TRAPPC9: variants seen among roughly 807,000 people sequenced by gnomAD.
TRAPPC9 encodes IKK2 binding protein.
In TRAPPC9, 83 loss-of-function variants were observed where a neutral mutation model predicts 124.0. That is an observed-to-expected ratio of 0.67 (90% CI 0.56 to 0.80). The LOEUF (loss-of-function observed/expected upper bound fraction) is 0.80, where lower values mean the gene tolerates loss of function less well. Among genes scored for constraint, TRAPPC9 ranks in the 30% least tolerant of loss-of-function variants. The probability of loss-of-function intolerance (pLI) is 0.00; values close to 1 mark genes in which losing one functional copy is unlikely to be tolerated. For missense variants in TRAPPC9, 1,302 were observed against 1,508.3 expected, an observed-to-expected ratio of 0.86 and a Z score of 2.27; for synonymous variants, 638 against 617.5, an observed-to-expected ratio of 1.03 and a Z score of -0.49.
At chr8:139,944,133 C>T (rs568757866) in intron 19 of TRAPPC9, among the ~76,000 whole-genome samples, 5 of 152,250 alleles carry the variant, frequency 3.3e-5, no homozygotes, top group Admixed American at 3.3e-4. Flanking sequence ...AAATATCCCT[C>T]AGAAATGAAA....
At chr8:139,855,618 G>A (rs1480635510) in intron 21 of TRAPPC9, among the ~76,000 whole-genome samples, 6 of 152,176 alleles carry the variant, frequency 3.9e-5, no homozygotes, top group African/African-American at 7.2e-5. Context: ...CCCTGTTTAC[G>A]CTCTTCAGGG....
chr8:140,180,630 A>AT (rs1201647947), intron 17 of TRAPPC9, among the ~76,000 whole-genome samples: 3 of 148,410 alleles, frequency 2.0e-5, no homozygotes, highest in African/African-American at 5.0e-5. Context: ...CTTTATTTGT[A>AT]TTTTTTTATG....
chr8:140,114,748 G>A (rs553046532), intron 17 of TRAPPC9, among the ~76,000 whole-genome samples: 2 of 152,288 alleles, frequency 1.3e-5, no homozygotes, highest in South Asian at 2.1e-4. Flanking sequence ...AGGGAGAACC[G>A]CAAAGCCTCC....
At chr8:139,948,351 C>G (rs1306174611) in intron 19 of TRAPPC9, among the ~76,000 whole-genome samples, 1 of 151,854 alleles carries the variant, frequency 6.6e-6, no homozygotes, top group Non-Finnish European at 1.5e-5. Context: ...GTGTTCACAC[C>G]CTCCCTTTTG....
In TRAPPC9 at chr8:140,104,316, C is replaced by T. The variant is rs2060628259; in HGVS notation, c.2557-80237G>A. Among the ~76,000 whole-genome samples, 2 of 151,960 alleles carry T rather than the reference C, an allele frequency of 1.3e-5. No individual in the cohort carries two copies. Among genetic ancestry groups the T allele is most frequent in the Non-Finnish European group, 2.9e-5 (2 of 68,016 alleles). ...CCGCTCTGCAATGGGTCTTGAAGAA[C>T]GAGGCATTTTCTAGGAAGATCAATG... On this transcript the variant is annotated intron_variant, in intron 17 of 22. Transcript: ENST00000438773. This position sits in a 1 kb window ranked among gnomAD's most constrained non-coding sequence, Gnocchi z 4.0.
At chr8:139,773,737 T>C (rs1398831251) in intron 21 of TRAPPC9, among the ~76,000 whole-genome samples, 1 of 152,238 alleles carries the variant, frequency 6.6e-6, no homozygotes, top group Non-Finnish European at 1.5e-5. Context: ...TAGTCCTCTG[T>C]GTGTGCGGAA....
chr8:140,210,171 G>A (rs1176577793), intron 17 of TRAPPC9, among the ~76,000 whole-genome samples: 6 of 152,230 alleles, frequency 3.9e-5, no homozygotes, highest in South Asian at 2.1e-4. Flanking sequence ...CAGAGGGGCC[G>A]GAACCGTGAA....
chr8:139,929,136 T>TA (rs1832975385), intron 19 of TRAPPC9, among the ~76,000 whole-genome samples: 1 of 152,218 alleles, frequency 6.6e-6, no homozygotes, highest in African/African-American at 2.4e-5. Flanking sequence ...GCCACTCTCT[T>TA]AAAAATGTAT....
intron 17 of TRAPPC9, among the ~76,000 whole-genome samples, chr8:140,147,407 C>T (rs1258082665): frequency 6.6e-6 from 1 of 152,202 alleles, no homozygotes; most frequent in Non-Finnish European, 1.5e-5. Context: ...AACTCACGAA[C>T]GTCTCAATTC....
In TRAPPC9 at chr8:139,956,048, G is replaced by A. The variant is rs1437739632; in HGVS notation, c.2810+32678C>T. 1.3e-5 allele frequency among the ~76,000 whole-genome samples: 2 copies of A among 152,222 alleles called. 1 individual carries two copies. Among genetic ancestry groups the A allele is most frequent in the Admixed American group, 1.3e-4 (2 of 15,284 alleles). On this transcript the variant is annotated intron_variant, in intron 19 of 22. Transcript: ENST00000438773. ...GTTAGCACGCGGAGACCTGACGAGA[G>A]TGTGGCTGTGCCTAGAACCAGCTCC...
chr8:140,362,835 TGG>T (rs1236373524), intron 8 of TRAPPC9, among the ~76,000 whole-genome samples: 1 of 152,236 alleles, frequency 6.6e-6, no homozygotes, highest in Non-Finnish European at 1.5e-5. Context: ...ACATAAGAAT[TGG>T]GCAAATATCA....
At chr8:140,290,387 C>T (rs1043375732) in intron 12 of TRAPPC9, among the ~76,000 whole-genome samples, 2 of 152,202 alleles carry the variant, frequency 1.3e-5, no homozygotes, top group African/African-American at 4.8e-5. Context: ...TGGGAGGGCC[C>T]GCTCTGAAAA....
intron 15 of TRAPPC9, 74 bp downstream of exon 15, chr8:140,275,584 G>A: frequency 6.6e-7 from 1 of 1,514,942 alleles, no homozygotes; most frequent in East Asian, 2.3e-5. Context: ...TCTGAAAACT[G>A]AGAATTTAAA....
At chr8:140,342,625 A>T (rs2067225938) in intron 9 of TRAPPC9, among the ~76,000 whole-genome samples, 1 of 152,206 alleles carries the variant, frequency 6.6e-6, no homozygotes, top group Admixed American at 6.5e-5. Context: ...ATTCCTTGTA[A>T]CACAGCAATG....
At chr8:139,734,964 T>A (rs1168853810) in intron 21 of TRAPPC9, among the ~76,000 whole-genome samples, 2 of 152,262 alleles carry the variant, frequency 1.3e-5, no homozygotes, top group East Asian at 3.8e-4. Context: ...CTTCTGGATG[T>A]GCAGGGCCAC....
intron 5 of TRAPPC9, among the ~76,000 whole-genome samples, chr8:140,411,934 G>A (rs577862270): frequency 9.7e-4 from 148 of 152,234 alleles, no homozygotes; most frequent in Non-Finnish European, 1.8e-3. Context: ...CAAGAAAATC[G>A]CCATTTGGCA....
At chr8:139,897,825 C>A (rs1263910465) in intron 20 of TRAPPC9, among the ~76,000 whole-genome samples, 1 of 152,264 alleles carries the variant, frequency 6.6e-6, no homozygotes, top group African/African-American at 2.4e-5. Context: ...CCACAGCGTG[C>A]CAGAGTGACG....
intron 18 of TRAPPC9, among the ~76,000 whole-genome samples, chr8:140,003,601 CAAA>C (rs58826807): frequency 1.6e-4 from 15 of 91,388 alleles, no homozygotes; most frequent in African/African-American, 3.8e-4. Flanking sequence ...GACCCTGTCA[CAAA>C]AAAAAAAAAA....
chr8:139,977,513 G>A (rs1385772044), intron 19 of TRAPPC9, among the ~76,000 whole-genome samples: 1 of 151,322 alleles, frequency 6.6e-6, no homozygotes, highest in Non-Finnish European at 1.5e-5. Context: ...AGCTACTCTG[G>A]AGGCTGAGGC....
Sources: allele counts gnomAD v4.1 joint callset (sites outside exome capture counted in the v4.1 genomes callset), GRCh38; gene constraint gnomAD v4.1.1; non-coding constraint Gnocchi (gnomAD v3.1); transcripts MANE v1.5; gene names NCBI Gene and HGNC (gene_info 2026-07-23, HGNC 2026-07-21).